Variants in NFATC3 observed in about 807,000 individuals in gnomAD.
The protein encoded by NFATC3 is nuclear factor of activated T-cells, cytoplasmic 3.
NFATC3 carries 46 observed loss-of-function variants against 98.6 expected under a neutral mutation model. That is an observed-to-expected ratio of 0.47 (90% CI 0.37 to 0.60). The LOEUF is 0.60. Ranked by LOEUF, NFATC3 falls within the 20% of genes least tolerant of loss-of-function variation. The pLI, the probability that NFATC3 is intolerant of heterozygous loss-of-function variation, is 0.00. For synonymous variants in NFATC3, 512 were observed against 472.2 expected (o/e 1.08, Z -1.09); for missense variants, 1,256 against 1,295.5 (o/e 0.97, Z 0.47).
intron 3 of NFATC3, among the ~76,000 whole-genome samples, chr16:68,135,368 G>A (rs2037337222): frequency 6.8e-6 from 1 of 147,802 alleles, no homozygotes; most frequent in Non-Finnish European, 1.5e-5. Flanking sequence ...TGAGGCAGGA[G>A]AATGGTGTGA....
At chr16:68,106,247 A>G (rs1365944181) in intron 1 of NFATC3, among the ~76,000 whole-genome samples, 1 of 150,940 alleles carries the variant, frequency 6.6e-6, no homozygotes, top group African/African-American at 2.4e-5. Context: ...TTCTAACAAA[A>G]TCCACTTACG....
chr16:68,209,737 G>A (rs1230125851), intron 9 of NFATC3: 2 of 476,168 alleles, frequency 4.2e-6, no homozygotes, highest in South Asian at 1.6e-5. Flanking sequence ...TGACAGAGAG[G>A]GGAAACCCCG....
chr16:68,188,949 C>T (rs1229289000), intron 8 of NFATC3, among the ~76,000 whole-genome samples: 2 of 152,028 alleles, frequency 1.3e-5, no homozygotes, highest in Non-Finnish European at 2.9e-5. Flanking sequence ...CTCAAGTGAT[C>T]CTCCCACCTC....
Position 68,085,626 on chromosome 16 carries a change from T to TTGCCGCTGCCGCCGCCGCC in NFATC3, c.-55_-37dup. 2 of 1,442,480 alleles carry TTGCCGCTGCCGCCGCCGCC rather than the reference T, an allele frequency of 1.4e-6. No individual in the cohort carries two copies. The highest frequency in any genetic ancestry group is 1.8e-6 in the Non-Finnish European group (2 of 1,089,416). The allele number at this position is 1,442,480 out of a possible 1,614,324, so 89.4% of individuals were successfully genotyped here. A position where few individuals can be genotyped will look rare whatever the true frequency, so the allele number is the denominator to read the frequency against. ...GGCGTTGAGGAGCTGCTGCCGCCGC[T>TTGCCGCTGCCGCCGCCGCC]TGCCGCTGCCGCCGCCGCCGCCTGA... On this transcript the variant is annotated 5_prime_UTR_variant, in exon 1 of 10. Coordinates refer to ENST00000346183, the MANE Select transcript of NFATC3 (RefSeq NM_173165.3).
At chr16:68,177,955 C>G (rs910791663) in intron 6 of NFATC3, among the ~76,000 whole-genome samples, 1 of 152,180 alleles carries the variant, frequency 6.6e-6, no homozygotes, top group Non-Finnish European at 1.5e-5. Context: ...CAGCTACTTA[C>G]TCTCCTTCTT....
At chr16:68,181,339 TTTA>T in intron 6 of NFATC3, 133 bp from the exon 7 acceptor site, 1 of 656,242 alleles carries the variant, frequency 1.5e-6, no homozygotes, top group Non-Finnish European at 2.7e-6. Context: ...ATATTTATAT[TTTA>T]TTTTCATAAT....
At position 68,085,553 on chromosome 16, in the gene NFATC3, T is replaced by G; in HGVS notation, c.-129T>G. ...GGCGTCGCGGGCCCCGCCCGGAAAG[T>G]TTGCCGTGGAGTCGCGACCTCTTGG... is the stretch of plus-strand genomic sequence containing the variant. On this transcript the variant is annotated 5_prime_UTR_variant, in exon 1 of 10. Coordinates refer to ENST00000346183, the MANE Select transcript of NFATC3 (RefSeq NM_173165.3). 1 of 755,504 alleles carries G rather than the reference T, an allele frequency of 1.3e-6. No individual in the cohort carries two copies. Among genetic ancestry groups the G allele is most frequent in the Non-Finnish European group, 2.0e-6 (1 of 512,752 alleles). The allele number at this position is 755,504 out of a possible 1,614,324, so 46.8% of individuals were successfully genotyped here.
At chr16:68,204,603 A>AT (rs1402326494) in intron 9 of NFATC3, among the ~76,000 whole-genome samples, 1 of 152,186 alleles carries the variant, frequency 6.6e-6, no homozygotes, top group Non-Finnish European at 1.5e-5. Context: ...TGAAATGTAG[A>AT]TTTTCTCACA....
At chr16:68,182,876 A>G (rs537865301) in intron 7 of NFATC3, among the ~76,000 whole-genome samples, 4 of 152,320 alleles carry the variant, frequency 2.6e-5, no homozygotes, top group African/African-American at 7.2e-5. Flanking sequence ...CTATAATGCT[A>G]CTTGGGAACC....
chr16:68,165,223 A>C (rs1386565679), intron 4 of NFATC3, among the ~76,000 whole-genome samples: 1 of 152,106 alleles, frequency 6.6e-6, no homozygotes, highest in Non-Finnish European at 1.5e-5. Context: ...AGTATCAGTT[A>C]TATAATTTGT....
chr16:68,210,589 T>TA (rs1284926466), intron 9 of NFATC3, among the ~76,000 whole-genome samples: 1 of 151,936 alleles, frequency 6.6e-6, no homozygotes, highest in Non-Finnish European at 1.5e-5. Context: ...CAGTCAGGAG[T>TA]ATGTTTTTTT....
intron 1 of NFATC3, among the ~76,000 whole-genome samples, chr16:68,090,216 T>C (rs1406606167): frequency 1.3e-5 from 2 of 151,956 alleles, no homozygotes; most frequent in Non-Finnish European, 2.9e-5. Flanking sequence ...CTTGTGTAAA[T>C]GAGATAATGT....
At position 68,226,458 on chromosome 16, in the gene NFATC3, C is replaced by T; in HGVS notation, c.3215C>T (p.Ser1072Phe). 1.3e-6 allele frequency: 2 copies of T among 1,548,944 alleles called. No homozygotes were observed. Among genetic ancestry groups the T allele is most frequent in the Non-Finnish European group, 1.7e-6 (2 of 1,154,232 alleles). ...PSPESLDLGRSDGL is the reference protein window; with the variant it reads ...PSPESLDLGRFDGL ...CCTGAGTCCCTGGATTTAGGAAGAT[C>T]TGATGGGCTCTAACAGTGCTTACTG... The change falls in exon 10 of 10, where the codon TCT (serine) becomes TTT (phenylalanine). Residue 1072 changes from serine to phenylalanine, a missense_variant. Around this residue, in one of 3 missense-constraint regions of NFATC3, gnomAD observed 636 missense variants for 617.3 expected, o/e 1.03. Coordinates refer to ENST00000346183, the MANE Select transcript of NFATC3 (RefSeq NM_173165.3).
At chr16:68,138,756 G>A in intron 3 of NFATC3, 18 of 1,288,022 alleles carry the variant, frequency 1.4e-5, no homozygotes, top group Non-Finnish European at 1.8e-5. Context: ...TCTGTATTCT[G>A]TAGTATAATA....
In NFATC3 at chr16:68,123,021, C is replaced by T; in HGVS notation, c.1138C>T (p.Gln380Ter). The T allele has an allele frequency of 6.2e-7, 1 of 1,613,904 alleles. No homozygotes were observed. Among genetic ancestry groups the T allele is most frequent in the Non-Finnish European group, 8.5e-7 (1 of 1,180,034 alleles). ...ETSIDDGLGS[Q>*]YPLKKDSCGD... ...TTCAATAGATGATGGCCTTGGATCT[C>T]AGTATCCTTTAAAGAAAGATTCATG... Residue 380 changes from glutamine to a stop codon, truncating the protein, a stop_gained, in exon 2 of 10, where the codon CAG becomes TAG. Transcript: ENST00000346183. LOFTEE classifies it high-confidence loss of function.
chr16:68,218,857 C>A (rs1279208266), intron 9 of NFATC3, among the ~76,000 whole-genome samples: 2 of 150,444 alleles, frequency 1.3e-5, no homozygotes, highest in African/African-American at 4.9e-5. Flanking sequence ...CAGGCGTGAG[C>A]CACCACGCCC....
chr16:68,209,716 C>T (rs1051379300), intron 9 of NFATC3: 2 of 468,056 alleles, frequency 4.3e-6, no homozygotes, highest in Non-Finnish European at 8.4e-6. Flanking sequence ...ATGGTTAGGT[C>T]TCTGTAAAAT....
At chr16:68,112,091 T>C (rs996686619) in intron 1 of NFATC3, among the ~76,000 whole-genome samples, 1 of 151,998 alleles carries the variant, frequency 6.6e-6, no homozygotes, top group Non-Finnish European at 1.5e-5. Flanking sequence ...TGATAATGTG[T>C]TTTGGGATTG....
intron 3 of NFATC3, among the ~76,000 whole-genome samples, chr16:68,136,461 G>A (rs896728641): frequency 6.6e-6 from 1 of 152,068 alleles, no homozygotes; most frequent in Admixed American, 6.6e-5. Context: ...TAGAGATAAG[G>A]TTTTGCCATG....
Sources: allele counts gnomAD v4.1 joint callset (sites outside exome capture counted in the v4.1 genomes callset), GRCh38; gene constraint gnomAD v4.1.1; regional missense constraint gnomAD v4.1.1; transcripts MANE v1.5; gene names NCBI Gene and HGNC (gene_info 2026-07-23, HGNC 2026-07-21).